ZNF730: variants seen among roughly 807,000 people sequenced by gnomAD.
The protein encoded by ZNF730 is putative zinc finger protein 730.
Under a neutral mutation model 12.6 loss-of-function variants are expected in ZNF730, and 12 were observed. The observed-to-expected ratio is 0.95, with a 90% CI of 0.61 to 1.54. The LOEUF is 1.54. Ranked by LOEUF, ZNF730 falls within the 40% of genes most tolerant of loss-of-function variation. ZNF730 has a pLI of 0.00. For missense variants in ZNF730, 643 were observed against 583.5 expected (o/e 1.10, Z -1.05); for synonymous variants, 194 against 195.8 (o/e 0.99, Z 0.08).
At chr19:23,088,649 G>C (rs1216163494) in intron 1 of ZNF730, among the ~76,000 whole-genome samples, 4 of 151,424 alleles carry the variant, frequency 2.6e-5, no homozygotes, top group African/African-American at 9.7e-5. Flanking sequence ...ATTTTTAGTA[G>C]AGATGGGTTT....
chr19:23,103,664 A>G (rs949005680), intron 1 of ZNF730, among the ~76,000 whole-genome samples: 1 of 152,188 alleles, frequency 6.6e-6, no homozygotes, highest in Non-Finnish European at 1.5e-5. Context: ...ATGTTTAGGT[A>G]CATGAGATTG....
intron 3 of ZNF730, among the ~76,000 whole-genome samples, chr19:23,139,417 G>A (rs1208968953): frequency 1.3e-5 from 2 of 152,048 alleles, no homozygotes; most frequent in Non-Finnish European, 2.9e-5. Context: ...CATTTTATCT[G>A]AAATTTTACT....
intron 1 of ZNF730, among the ~76,000 whole-genome samples, chr19:23,108,785 TA>T (rs1264837410): frequency 6.6e-6 from 1 of 152,230 alleles, no homozygotes; most frequent in Non-Finnish European, 1.5e-5. Flanking sequence ...AGTCTCACTC[TA>T]TTGCCCTGGC....
At chr19:23,134,596 T>TG (rs71163450) in intron 2 of ZNF730, among the ~76,000 whole-genome samples, 102 of 109,320 alleles carry the variant, frequency 9.3e-4, no homozygotes, top group African/African-American at 1.7e-3. Context: ...TCCTGGAGGG[T>TG]GGGGGGGGGG....
chr19:23,091,793 C>T (rs1489219706), intron 1 of ZNF730, among the ~76,000 whole-genome samples: 1 of 152,182 alleles, frequency 6.6e-6, no homozygotes, highest in East Asian at 1.9e-4. Context: ...TTTACAGACT[C>T]ATAGGCAGAA....
At chr19:23,137,555 T>G (rs1353220337) in intron 3 of ZNF730, among the ~76,000 whole-genome samples, 1 of 152,232 alleles carries the variant, frequency 6.6e-6, no homozygotes, top group African/African-American at 2.4e-5. Flanking sequence ...TCAATGTCAG[T>G]GACTTTAAAA....
At chr19:23,116,983 C>T, upstream of ZNF730, 5 of 857,224 alleles carry the variant, frequency 5.8e-6, no homozygotes, top group South Asian at 2.5e-5. Context: ...CCAATCAGGC[C>T]CGCAGCTGGA....
chr19:23,125,109 G>C (rs1175546175), intron 1 of ZNF730, among the ~76,000 whole-genome samples: 1 of 152,150 alleles, frequency 6.6e-6, no homozygotes, highest in Non-Finnish European at 1.5e-5. Context: ...CGTAAGATAT[G>C]ACTTGCTTCT....
rs926094479 is a variant in ZNF730 at position 23,117,043 on chromosome 19, C to T, written c.-131C>T. Reference sequence around the variant, plus strand: ...TGGCGCGGCCTTTGTTTCTCGCTGCCGCCGAAGCTCCAATTTTCGTCTGTC... The same window carrying T: ...TGGCGCGGCCTTTGTTTCTCGCTGCTGCCGAAGCTCCAATTTTCGTCTGTC... On this transcript the variant is annotated 5_prime_UTR_variant, in exon 1 of 4. Transcript: ENST00000597761. The T allele has an allele frequency of 9.4e-6, 14 of 1,494,080 alleles. No homozygotes were observed. The highest frequency in any genetic ancestry group is 2.8e-5 in the African/African-American group (2 of 71,304). The allele number at this position is 1,494,080 out of a possible 1,614,324, so 92.6% of individuals were successfully genotyped here.
chr19:23,145,779 A>G lies in ZNF730; in HGVS notation c.735A>G (p.Thr245=). ...TTAACTGGTTTTCACATTTTACTACACATAAGAGAATTCATACTGGAGAAA... is the reference window on the plus strand; with the variant it reads ...TTAACTGGTTTTCACATTTTACTACGCATAAGAGAATTCATACTGGAGAAA... ...KAFNWFSHFT[T]HKRIHTGEKP... Residue 245 remains threonine, a synonymous_variant, in exon 4 of 4, where the codon ACA becomes ACG. Coordinates refer to ENST00000597761, the MANE Select transcript of ZNF730 (RefSeq NM_001277403.2). The G allele has an allele frequency of 6.3e-7, 1 of 1,578,592 alleles. No homozygotes were observed. The highest frequency in any genetic ancestry group is 8.6e-7 in the Non-Finnish European group (1 of 1,164,076).
intron 1 of ZNF730, among the ~76,000 whole-genome samples, chr19:23,098,919 G>A (rs1489758797): frequency 3.3e-5 from 5 of 152,032 alleles, no homozygotes; most frequent in African/African-American, 1.2e-4. Flanking sequence ...TAGAAAAAGG[G>A]GTAAAATCCT....
intron 1 of ZNF730, among the ~76,000 whole-genome samples, chr19:23,109,097 G>C (rs866654460): frequency 1.3e-5 from 2 of 152,146 alleles, no homozygotes; most frequent in African/African-American, 2.4e-5. Context: ...ATGCTATAGA[G>C]TGCCAATGCA....
chr19:23,116,817 C>T (rs537154295), upstream of ZNF730, among the ~76,000 whole-genome samples: 1 of 152,292 alleles, frequency 6.6e-6, no homozygotes, highest in Admixed American at 6.5e-5. Context: ...CTGGGGTGGG[C>T]CTGTCTCAGT....
chr19:23,112,735 G>GAAA (rs35045584), upstream of ZNF730, among the ~76,000 whole-genome samples: 1 of 140,364 alleles, frequency 7.1e-6, no homozygotes, highest in Non-Finnish European at 1.5e-5. Flanking sequence ...AAAAATAGAA[G>GAAA]AAAAAAAAAA....
intron 1 of ZNF730, among the ~76,000 whole-genome samples, chr19:23,089,544 TCA>T (rs1264579783): frequency 6.6e-6 from 1 of 152,158 alleles, no homozygotes; most frequent in Non-Finnish European, 1.5e-5. Flanking sequence ...TGAATAAGTC[TCA>T]CAAGATATGA....
intron 1 of ZNF730, chr19:23,127,088 G>T: frequency 1.9e-6 from 1 of 513,268 alleles, no homozygotes; most frequent in East Asian, 5.2e-5. Context: ...CACTTTTGTG[G>T]GATCTTGTCC....
At chr19:23,145,235 G>C (rs1159709605) in intron 3 of ZNF730, 36 bp from the exon 4 acceptor site, 7 of 1,382,928 alleles carry the variant, frequency 5.1e-6, no homozygotes, top group Non-Finnish European at 6.7e-6. Context: ...ACTCAGTCTA[G>C]TACATGCAGT....
At chr19:23,118,183 T>A (rs1310232972) in intron 1 of ZNF730, among the ~76,000 whole-genome samples, 1 of 152,236 alleles carries the variant, frequency 6.6e-6, no homozygotes, top group Non-Finnish European at 1.5e-5. Context: ...ATTATTTTTT[T>A]ACAAACCATT....
intron 1 of ZNF730, among the ~76,000 whole-genome samples, chr19:23,122,714 T>G (rs1305791529): frequency 4.6e-5 from 7 of 152,242 alleles, no homozygotes; most frequent in Non-Finnish European, 8.8e-5. Flanking sequence ...GTAGTGTTTG[T>G]AGACAACTTG....
Sources: gnomAD v4.1 joint callset for allele counts (sites outside exome capture counted in the v4.1 genomes callset) on GRCh38, gnomAD v4.1.1 for gene constraint, MANE v1.5 for transcripts, NCBI Gene and HGNC (gene_info 2026-07-23, HGNC 2026-07-21) for gene names.